The following NLGN1 variants were observed in gnomAD, a reference collection of about 807,000 sequenced individuals.
NLGN1 encodes neuroligin-1.
In NLGN1, 12 loss-of-function variants were observed where a neutral mutation model predicts 65.5. The ratio of observed to expected loss-of-function variants is 0.18; its 90% CI spans 0.12 to 0.30. NLGN1 has a LOEUF of 0.30. Ranked by LOEUF, NLGN1 falls within the 10% of genes least tolerant of loss-of-function variation. NLGN1 has a pLI of 1.00. For missense variants in NLGN1, 750 were observed against 1,007.1 expected (o/e 0.74, Z 3.46); for synonymous variants, 350 against 359.5 (o/e 0.97, Z 0.30).
At chr3:174,117,341 G>A (rs781425076) in intron 4 of NLGN1, among the ~76,000 whole-genome samples, 4 of 152,052 alleles carry the variant, frequency 2.6e-5, no homozygotes, top group African/African-American at 9.7e-5. Flanking sequence ...GATAGGCCGG[G>A]CGCGGTAGCT....
chr3:173,661,783 T>C (rs945477078), intron 3 of NLGN1, among the ~76,000 whole-genome samples: 4 of 151,974 alleles, frequency 2.6e-5, no homozygotes, highest in African/African-American at 9.7e-5. Context: ...TTAGCGAAAG[T>C]CGTTAGAATA....
At chr3:173,666,334 C>T (rs1014460837) in intron 3 of NLGN1, among the ~76,000 whole-genome samples, 3 of 151,998 alleles carry the variant, frequency 2.0e-5, no homozygotes, top group South Asian at 2.1e-4. Flanking sequence ...AGGATACAAT[C>T]GATGTAATTC....
At position 173,807,744 on chromosome 3, in the gene NLGN1, A is replaced by G. The variant is rs774650633; in HGVS notation, c.558A>G (p.Glu186=). The G allele has an allele frequency of 7.4e-6, 12 of 1,613,518 alleles. No homozygotes were observed. In the Admixed American group the frequency reaches 1.8e-4, roughly 25 times the overall value. ...ATATCCATGGTGGCTCATATATGGA[A>G]GGTACTGGAAATTTATATGATGGAA... Residue 186 remains glutamate (E), a synonymous_variant, in exon 4 of 7, where the codon GAA becomes GAG. Transcript: ENST00000457714.
At chr3:173,891,145 A>G (rs1336511557) in intron 4 of NLGN1, among the ~76,000 whole-genome samples, 1 of 152,204 alleles carries the variant, frequency 6.6e-6, no homozygotes, top group Non-Finnish European at 1.5e-5. Context: ...ACTACAACAT[A>G]GAGATGTCAT....
chr3:173,668,575 A>G (rs1001844574), intron 3 of NLGN1, among the ~76,000 whole-genome samples: 4 of 150,626 alleles, frequency 2.7e-5, no homozygotes, highest in African/African-American at 7.3e-5. Context: ...GCCATGGACA[A>G]TTCACTTTCT....
chr3:173,842,982 G>T (rs1725062574), intron 4 of NLGN1, among the ~76,000 whole-genome samples: 1 of 152,180 alleles, frequency 6.6e-6, no homozygotes, highest in Non-Finnish European at 1.5e-5. Flanking sequence ...ACTTTTGCCT[G>T]GGCATCCAGG....
chr3:173,705,653 C>T (rs997886263), intron 3 of NLGN1, among the ~76,000 whole-genome samples: 20 of 151,870 alleles, frequency 1.3e-4, no homozygotes, highest in Non-Finnish European at 2.1e-4. Flanking sequence ...CTTAGCAGGT[C>T]GAAAGTTTTG....
intron 3 of NLGN1, among the ~76,000 whole-genome samples, chr3:173,637,328 C>G (rs948981216): frequency 6.6e-6 from 1 of 151,986 alleles, no homozygotes; most frequent in Non-Finnish European, 1.5e-5. Context: ...TTTCATCTGT[C>G]CTGCTATTAT....
chr3:174,072,003 C>T (rs918922541), intron 4 of NLGN1, among the ~76,000 whole-genome samples: 2 of 151,950 alleles, frequency 1.3e-5, no homozygotes, highest in Admixed American at 1.3e-4. Flanking sequence ...GATTAGAAGG[C>T]GCCTCATGTG....
intron 4 of NLGN1, among the ~76,000 whole-genome samples, chr3:173,835,282 A>T (rs754402118): frequency 3.9e-5 from 6 of 152,146 alleles, no homozygotes; most frequent in Non-Finnish European, 5.9e-5. Context: ...ATCATATAAG[A>T]AATAATAATT....
At chr3:173,714,632 C>T (rs566257058) in intron 3 of NLGN1, among the ~76,000 whole-genome samples, 38 of 152,118 alleles carry the variant, frequency 2.5e-4, no homozygotes, top group Middle Eastern at 3.4e-3. Flanking sequence ...ATGAACTATG[C>T]CTTTCTGGAG....
At chr3:173,679,475 G>C (rs1268443474) in intron 3 of NLGN1, among the ~76,000 whole-genome samples, 1 of 152,038 alleles carries the variant, frequency 6.6e-6, no homozygotes, top group East Asian at 1.9e-4. Context: ...CTACAGGGGA[G>C]GGGATAAAAA....
rs1205713464 is a variant in NLGN1 at position 173,638,933 on chromosome 3, T to C, written c.493+33842T>C. 8.5e-5 allele frequency among the ~76,000 whole-genome samples: 13 copies of C among 152,122 alleles called. No homozygotes were observed. In the South Asian group the frequency reaches 2.7e-3, roughly 32 times the overall value. On this transcript the variant is annotated intron_variant, in intron 3 of 6. Coordinates refer to ENST00000457714, the Ensembl canonical transcript of NLGN1. ...AGGTAGTGAATAAATAAAGGAGTAG[T>C]ATTTATGAAAACAGAAAAAAAAGAG...
intron 4 of NLGN1, among the ~76,000 whole-genome samples, chr3:174,083,423 T>C (rs1185085192): frequency 1.3e-5 from 2 of 152,168 alleles, no homozygotes; most frequent in Non-Finnish European, 2.9e-5. Flanking sequence ...AGTAAATATG[T>C]ATTAACTATT....
chr3:173,841,017 T>A (rs1724665848), intron 4 of NLGN1, among the ~76,000 whole-genome samples: 1 of 152,190 alleles, frequency 6.6e-6, no homozygotes, highest in Admixed American at 6.5e-5. Flanking sequence ...AATTTCACAC[T>A]GTGACCATAG....
chr3:173,712,965 GC>G (rs1438078702), intron 3 of NLGN1, among the ~76,000 whole-genome samples: 3 of 152,088 alleles, frequency 2.0e-5, no homozygotes, highest in Admixed American at 6.6e-5. Context: ...ATGTGTAGTA[GC>G]AGCAAGGTCG....
chr3:173,487,308 G>A (rs2148992899), intron 2 of NLGN1, among the ~76,000 whole-genome samples: 1 of 151,680 alleles, frequency 6.6e-6, no homozygotes, highest in East Asian at 1.9e-4. Context: ...TTGGGAATTA[G>A]GAGTTTTTTT....
At chr3:173,459,539 T>C (rs1450074469) in intron 2 of NLGN1, among the ~76,000 whole-genome samples, 1 of 152,122 alleles carries the variant, frequency 6.6e-6, no homozygotes, top group Non-Finnish European at 1.5e-5. Flanking sequence ...TGACAAATAG[T>C]TGGCTTCCAG....
chr3:173,705,721 A>G (rs144482341), intron 3 of NLGN1, among the ~76,000 whole-genome samples: 79 of 152,226 alleles, frequency 5.2e-4, no homozygotes, highest in African/African-American at 1.8e-3. Flanking sequence ...TTCGGTCGTC[A>G]TGGAGAAAGC....
Sources: allele counts gnomAD v4.1 joint callset (sites outside exome capture counted in the v4.1 genomes callset), GRCh38; gene constraint gnomAD v4.1.1; transcripts MANE v1.5; gene names NCBI Gene and HGNC (gene_info 2026-07-23, HGNC 2026-07-21).